FZD6: variants seen among roughly 807,000 people sequenced by gnomAD.
FZD6 encodes the protein frizzled class receptor 6.
A neutral mutation model predicts 61.4 loss-of-function variants in FZD6; 49 were observed. That is an observed-to-expected ratio of 0.80 (90% CI 0.63 to 1.01). The LOEUF is 1.01. FZD6 is among the 50% of genes least tolerant of loss of function. The pLI is 0.00. For missense variants in FZD6, 724 were observed against 848.2 expected (o/e 0.85, Z 1.82); for synonymous variants, 265 against 292.2 (o/e 0.91, Z 0.95).
At chr8:103,306,612 C>T (rs1814338597) in intron 2 of FZD6, among the ~76,000 whole-genome samples, 1 of 150,624 alleles carries the variant, frequency 6.6e-6, no homozygotes. Flanking sequence ...ACGCCATTCT[C>T]CTGCCTCAGC....
intron 2 of FZD6, 84 bp from the exon 3 acceptor site, chr8:103,318,506 G>A: frequency 1.2e-6 from 1 of 817,518 alleles, no homozygotes; most frequent in South Asian, 1.4e-5. Context: ...AAGTGAAAAA[G>A]CATATACTTT....
rs1815141703 is a variant in FZD6 at position 103,331,738 on chromosome 8, T to A, written c.*229T>A. ...AATGTGCAGGTTAATAATATTTTTTTAATAGTGTGGGAGGACAGAGTTAGA... is the reference window on the plus strand; with the variant it reads ...AATGTGCAGGTTAATAATATTTTTTAAATAGTGTGGGAGGACAGAGTTAGA... On this transcript the variant is annotated 3_prime_UTR_variant, in exon 7 of 7. Transcript: ENST00000358755. The A allele has an allele frequency of 4.2e-6, 2 of 474,212 alleles. No homozygotes were observed. The highest frequency in any genetic ancestry group is 4.2e-5 in the South Asian group (2 of 47,162). The allele number at this position is 474,212 out of a possible 1,614,324, so 29.4% of individuals were successfully genotyped here.
rs1371555042 is a variant in FZD6 at position 103,319,649 on chromosome 8, C to T, written c.374+863C>T. On this transcript the variant is annotated intron_variant, in intron 3 of 6. Coordinates refer to ENST00000358755, the MANE Select transcript of FZD6 (RefSeq NM_003506.4). The stretch of plus-strand genomic sequence containing the variant: ...CAGATGGGAAGTGTTATACCTTTTC[C>T]ACATGCATTCCTGTTGGCAAGATGT... Among the ~76,000 whole-genome samples the T allele has an allele frequency of 3.3e-5, 5 of 152,176 alleles. No individual in the cohort carries two copies. In the East Asian group the frequency reaches 5.8e-4, roughly 18 times the overall value.
chr8:103,331,693 CA>C lies in FZD6; in HGVS notation c.*186del, dbSNP rs768464864. Reference sequence around the variant, plus strand: ...CATTTCACACAAAGGTTAATGACAACAATATACCTGAAAACAGAAAATGTGC... The same window carrying C: ...CATTTCACACAAAGGTTAATGACAACATATACCTGAAAACAGAAAATGTGC... On this transcript the variant is annotated 3_prime_UTR_variant, in exon 7 of 7. Coordinates refer to ENST00000358755, the MANE Select transcript of FZD6 (RefSeq NM_003506.4). 3.2e-5 allele frequency: 17 copies of C among 528,972 alleles called. No homozygotes were observed. The highest frequency in any genetic ancestry group is 4.9e-5 in the Non-Finnish European group (15 of 307,962). 32.8% of individuals were successfully genotyped at this position (528,972 alleles called of 1,614,324 possible).
At chr8:103,315,135 A>G (rs564531605) in intron 2 of FZD6, among the ~76,000 whole-genome samples, 8 of 152,258 alleles carry the variant, frequency 5.3e-5, no homozygotes, top group African/African-American at 1.7e-4. Flanking sequence ...TTTCGAGTGG[A>G]AGGAGATGCT....
Position 103,325,019 on chromosome 8 carries a change from A to C in FZD6, c.913A>C (p.Ile305Leu), listed in dbSNP as rs1814905449. Residue 305 changes from isoleucine to leucine, a missense_variant, in exon 4 of 7, where the codon ATT becomes CTT. Transcript: ENST00000358755. ...CACTGTGTGGTGGGTGATTCTTACCATTACTTGGTTCTTAGCTGCAGGAAG... is the reference window on the plus strand; with the variant it reads ...CACTGTGTGGTGGGTGATTCTTACCCTTACTTGGTTCTTAGCTGCAGGAAG... ...AGTVWWVILT[I>L]TWFLAAGRKW... 1 of 1,614,006 alleles carries C rather than the reference A, an allele frequency of 6.2e-7. No homozygotes were observed.
chr8:103,301,237 A>G (rs1441704172), intron 2 of FZD6, among the ~76,000 whole-genome samples: 4 of 152,298 alleles, frequency 2.6e-5, no homozygotes, highest in African/African-American at 9.6e-5. Context: ...CATGTCTGGA[A>G]TAGGAAAGCT....
intron 2 of FZD6, among the ~76,000 whole-genome samples, chr8:103,314,153 CA>C (rs977280188): frequency 1.3e-5 from 2 of 152,138 alleles, no homozygotes; most frequent in African/African-American, 2.4e-5. Context: ...TTGTGTTTTC[CA>C]TGTAAGAAAA....
chr8:103,316,480 C>A (rs1447333625), intron 2 of FZD6, among the ~76,000 whole-genome samples: 2 of 152,162 alleles, frequency 1.3e-5, no homozygotes, highest in Admixed American at 6.6e-5. Context: ...TATTATTTTC[C>A]TTCCTTGTTT....
At chr8:103,328,471 C>A in intron 5 of FZD6, 55 bp downstream of exon 5, 1 of 1,252,008 alleles carries the variant, frequency 8.0e-7, no homozygotes, top group Non-Finnish European at 1.2e-6. Context: ...ATCAAAATAC[C>A]AAGGAACTGT....
At chr8:103,301,933 G>A (rs1377294904) in intron 2 of FZD6, among the ~76,000 whole-genome samples, 1 of 151,946 alleles carries the variant, frequency 6.6e-6, no homozygotes, top group Non-Finnish European at 1.5e-5. Context: ...TATCAAGAAG[G>A]CTTTTTGTTC....
At chr8:103,314,212 C>T (rs1333489642) in intron 2 of FZD6, among the ~76,000 whole-genome samples, 1 of 152,110 alleles carries the variant, frequency 6.6e-6, no homozygotes, top group Non-Finnish European at 1.5e-5. Flanking sequence ...TTTTGCCTGC[C>T]CTTGAACTAT....
intron 2 of FZD6, among the ~76,000 whole-genome samples, chr8:103,306,879 C>G (rs569666710): frequency 6.6e-6 from 1 of 152,036 alleles, no homozygotes; most frequent in Non-Finnish European, 1.5e-5. Flanking sequence ...TGTAAATCGA[C>G]TTTGTTTTTG....
At chr8:103,328,839 A>G (rs77669103) in intron 5 of FZD6, among the ~76,000 whole-genome samples, 1 of 151,370 alleles carries the variant, frequency 6.6e-6, no homozygotes, top group Non-Finnish European at 1.5e-5. Context: ...CCTATAAAGT[A>G]TGATTCAAAT....
intron 2 of FZD6, among the ~76,000 whole-genome samples, chr8:103,301,062 C>T (rs1563683058): frequency 1.3e-5 from 2 of 152,118 alleles, no homozygotes. Flanking sequence ...TCCAGAAAAA[C>T]AGAATAGTAA....
At chr8:103,331,269 G>A (rs1174969707) in intron 6 of FZD6, 72 bp from the exon 7 acceptor site, 1 of 1,016,056 alleles carries the variant, frequency 9.8e-7, no homozygotes, top group Non-Finnish European at 1.6e-6. Flanking sequence ...GGTTAGGGGT[G>A]AAACTCATGA....
At position 103,331,737 on chromosome 8, in the gene FZD6, T is replaced by G. The variant is rs1815141566; in HGVS notation, c.*228T>G. ...AAATGTGCAGGTTAATAATATTTTTTTAATAGTGTGGGAGGACAGAGTTAG... is the reference window on the plus strand; with the variant it reads ...AAATGTGCAGGTTAATAATATTTTTGTAATAGTGTGGGAGGACAGAGTTAG... On this transcript the variant is annotated 3_prime_UTR_variant, in exon 7 of 7. Coordinates refer to ENST00000358755, the MANE Select transcript of FZD6 (RefSeq NM_003506.4). The G allele has an allele frequency of 6.3e-6, 3 of 476,674 alleles. No individual in the cohort carries two copies. The Admixed American group carries it at 1.0e-4, about 16-fold the overall frequency. The allele number at this position is 476,674 out of a possible 1,614,324, so 29.5% of individuals were successfully genotyped here.
Position 103,318,646 on chromosome 8 carries a change from C to T in FZD6, c.234C>T (p.Cys78=), listed in dbSNP as rs764365729. 4 of 1,611,452 alleles carry T rather than the reference C, an allele frequency of 2.5e-6. No homozygotes were observed. In the Admixed American group the frequency reaches 6.7e-5, roughly 27 times the overall value. ...CACCAAACATTGAAACTTTCCTCTGCAAAGCATTTGTACCAACCTGCATAG... is the reference window on the plus strand; with the variant it reads ...CACCAAACATTGAAACTTTCCTCTGTAAAGCATTTGTACCAACCTGCATAG... The part of the protein sequence containing the change: ...ECSPNIETFL[C]KAFVPTCIEQ... The change falls in exon 3 of 7, where the codon TGC becomes TGT. Residue 78 remains cysteine, a synonymous_variant. Transcript: ENST00000358755.
chr8:103,330,817 C>T (rs914470261), intron 6 of FZD6, among the ~76,000 whole-genome samples: 1 of 152,106 alleles, frequency 6.6e-6, no homozygotes, highest in Admixed American at 6.6e-5. Context: ...CACAAGATTC[C>T]ATGTTCAGCC....
Sources: gnomAD v4.1 joint callset for allele counts (sites outside exome capture counted in the v4.1 genomes callset) on GRCh38, gnomAD v4.1.1 for gene constraint, MANE v1.5 for transcripts, NCBI Gene and HGNC (gene_info 2026-07-23, HGNC 2026-07-21) for gene names.